The following KPNB1 variants were observed in gnomAD, a reference collection of about 807,000 sequenced individuals.
KPNB1 encodes the protein importin subunit beta-1.
Under a neutral mutation model 113.0 loss-of-function variants are expected in KPNB1, and 7 were observed. The observed-to-expected ratio is 0.06, with a 90% confidence interval of 0.04 to 0.12. The LOEUF is 0.12. Ranked by LOEUF, KPNB1 falls within the 10% of genes least tolerant of loss-of-function variation. The probability of loss-of-function intolerance (pLI) is 1.00; values close to 1 mark genes in which losing one functional copy is unlikely to be tolerated. For missense variants in KPNB1, 400 were observed against 1,054.8 expected (o/e 0.38, Z 8.60); for synonymous variants, 363 against 378.6 (o/e 0.96, Z 0.48).
In KPNB1 at chr17:47,683,105, A is replaced by AAC. The variant is rs1555619977; in HGVS notation, c.*702_*703insCA. ...ACAAGAGATGTAAAAAAAAAAAAAA[A>AAC]AAAAAAAAAAAAAACACACACACAG... On this transcript the variant is annotated 3_prime_UTR_variant, in exon 22 of 22. Coordinates refer to ENST00000290158, the MANE Select transcript of KPNB1 (RefSeq NM_002265.6). The AAC allele has an allele frequency of 6.8e-6, 1 of 147,252 alleles. No individual in the cohort carries two copies. The highest frequency in any genetic ancestry group is 1.5e-5 in the Non-Finnish European group (1 of 66,772). The allele number at this position is 147,252 out of a possible 1,614,324, so 9.1% of individuals were successfully genotyped here.
intron 4 of KPNB1, among the ~76,000 whole-genome samples, chr17:47,657,899 T>G (rs971448228): frequency 1.3e-5 from 2 of 152,232 alleles, no homozygotes; most frequent in Non-Finnish European, 1.5e-5. Context: ...TGATACTTTC[T>G]TGAGTGAACT....
chr17:47,657,121 AATG>A (rs2029933117), intron 4 of KPNB1, 61 bp downstream of exon 4: 3 of 1,350,520 alleles, frequency 2.2e-6, no homozygotes, highest in African/African-American at 1.4e-5. Context: ...CTGTGACATC[AATG>A]ATATTAGTAC....
intron 3 of KPNB1, among the ~76,000 whole-genome samples, chr17:47,656,616 A>G (rs2029917561): frequency 6.6e-6 from 1 of 151,466 alleles, no homozygotes; most frequent in African/African-American, 2.4e-5. Context: ...ATGTCAGCAT[A>G]TCCACCCCTG....
At chr17:47,664,475 A>G (rs994195968) in intron 8 of KPNB1, among the ~76,000 whole-genome samples, 2 of 152,160 alleles carry the variant, frequency 1.3e-5, no homozygotes, top group South Asian at 2.1e-4. Flanking sequence ...GCAGTCAGGC[A>G]TGATTGATCG....
intron 4 of KPNB1, 92 bp downstream of exon 4, chr17:47,657,152 A>T: frequency 9.4e-7 from 1 of 1,066,178 alleles, no homozygotes. Context: ...TTGAATCACG[A>T]AGAAAGCCAA....
At chr17:47,651,320 T>A in intron 2 of KPNB1, 1 of 984,854 alleles carries the variant, frequency 1.0e-6, no homozygotes, top group Non-Finnish European at 1.2e-6. Context: ...GTCCATCTCC[T>A]GTTGGGGGAT....
chr17:47,665,823 T>G (rs1381108949), intron 9 of KPNB1, among the ~76,000 whole-genome samples: 1 of 152,210 alleles, frequency 6.6e-6, no homozygotes, highest in Non-Finnish European at 1.5e-5. Context: ...GGAAGCTTCT[T>G]CTGGTGCATG....
At position 47,652,792 on chromosome 17, in the gene KPNB1, A is replaced by C. The variant is rs1915615278; in HGVS notation, c.198A>C (p.Thr66=). The change falls in exon 3 of 22, where the codon ACA becomes ACC. Residue 66 remains threonine (T), a synonymous_variant. Transcript: ENST00000290158. ...AAGLQIKNSL[T]SKDPDIKAQY... is the part of the protein sequence containing the mutation. ...GTCTACAAATCAAGAACTCTTTGACATCTAAAGATCCAGATATCAAGGCAC... is the reference window on the plus strand; with the variant it reads ...GTCTACAAATCAAGAACTCTTTGACCTCTAAAGATCCAGATATCAAGGCAC... The C allele has an allele frequency of 6.2e-7, 1 of 1,612,546 alleles. No individual in the cohort carries two copies. The highest frequency in any genetic ancestry group is 1.3e-5 in the African/African-American group (1 of 74,862).
chr17:47,667,539 TTTA>T (rs1213368310), intron 9 of KPNB1, among the ~76,000 whole-genome samples: 1 of 151,918 alleles, frequency 6.6e-6, no homozygotes, highest in Non-Finnish European at 1.5e-5. Context: ...TTGGACTTTA[TTTA>T]TTATTATTTT....
At chr17:47,650,982 T>C (rs1915547927) in intron 2 of KPNB1, among the ~76,000 whole-genome samples, 2 of 152,154 alleles carry the variant, frequency 1.3e-5, no homozygotes, top group Non-Finnish European at 2.9e-5. Context: ...CTTAACCCAT[T>C]TCCACTGATA....
At chr17:47,653,936 C>T (rs1283854831) in intron 3 of KPNB1, among the ~76,000 whole-genome samples, 1 of 152,198 alleles carries the variant, frequency 6.6e-6, no homozygotes, top group African/African-American at 2.4e-5. Context: ...TTAATTCCTT[C>T]TCCCTCAGCT....
At chr17:47,679,897 C>G in intron 19 of KPNB1, 123 bp from the exon 20 acceptor site, 6 of 643,252 alleles carry the variant, frequency 9.3e-6, no homozygotes, top group Non-Finnish European at 1.7e-5. Context: ...CGGGGTTTCA[C>G]CGAGTTAGCC....
intron 15 of KPNB1, among the ~76,000 whole-genome samples, chr17:47,676,188 C>A (rs150353789): frequency 1.3e-3 from 191 of 152,230 alleles, no homozygotes; most frequent in African/African-American, 4.5e-3. Context: ...GGACAGTGGG[C>A]ATTGTCTCTG....
intron 15 of KPNB1, among the ~76,000 whole-genome samples, chr17:47,676,135 C>CTA: frequency 6.6e-6 from 1 of 152,122 alleles, no homozygotes; most frequent in East Asian, 1.9e-4. Flanking sequence ...CCTTGAGGGT[C>CTA]ATACCACTTG....
chr17:47,656,940 C>T lies in KPNB1; in HGVS notation c.363C>T (p.Ile121=). The part of the protein sequence containing the change: ...QCVAGIACAE[I]PVNQWPELIP... ...TGGCTGGTATTGCTTGTGCAGAGAT[C>T]CCAGTAAACCAGTGGCCAGAACTCA... is the stretch of plus-strand genomic sequence containing the variant. The change falls in exon 4 of 22, where the codon ATC becomes ATT. Residue 121 remains isoleucine, a synonymous_variant. Transcript: ENST00000290158. 6.2e-7 allele frequency: 1 copy of T among 1,614,064 alleles called. No homozygotes were observed. The highest frequency in any genetic ancestry group is 8.5e-7 in the Non-Finnish European group (1 of 1,180,012).
At chr17:47,674,507 T>A in intron 14 of KPNB1, 131 bp from the exon 15 acceptor site, 1 of 809,318 alleles carries the variant, frequency 1.2e-6, no homozygotes, top group Non-Finnish European at 2.0e-6. Context: ...TGTTTTTGTG[T>A]ATAAAATACA....
chr17:47,664,750 TG>T (rs1206940827), intron 8 of KPNB1, among the ~76,000 whole-genome samples: 1 of 152,204 alleles, frequency 6.6e-6, no homozygotes, highest in Non-Finnish European at 1.5e-5. Context: ...AGGTTTTTTT[TG>T]GCATCTTTAG....
chr17:47,665,201 TACTAAG>T (rs747401862), intron 9 of KPNB1, 43 bp downstream of exon 9: 31 of 1,459,380 alleles, frequency 2.1e-5, no homozygotes, highest in Middle Eastern at 1.7e-4. Flanking sequence ...TGTGGAACCT[TACTAAG>T]AGTAAACTGT....
At position 47,675,925 on chromosome 17, in the gene KPNB1, A is replaced by T. The variant is rs538859123; in HGVS notation, c.1913-484A>T. Among the ~76,000 whole-genome samples, 48 of 152,268 alleles carry T rather than the reference A, an allele frequency of 3.2e-4. 1 individual carries two copies. Among genetic ancestry groups the T allele is most frequent in the African/African-American group, 9.1e-4 (38 of 41,558 alleles). ...CTCCTCTGAAAGGGCAAAGAAGTTA[A>T]TTTTGGCTCCTGGAGTGGCTGATTT... On this transcript the variant is annotated intron_variant, in intron 15 of 21. Transcript: ENST00000290158.
Sources: gnomAD v4.1 joint callset for allele counts (sites outside exome capture counted in the v4.1 genomes callset) on GRCh38, gnomAD v4.1.1 for gene constraint, MANE v1.5 for transcripts, NCBI Gene and HGNC (gene_info 2026-07-23, HGNC 2026-07-21) for gene names.